The following NSMCE1 variants were observed in gnomAD, a reference collection of about 807,000 sequenced individuals.
NSMCE1 encodes NSE1 component of SMC5/6 complex.
A neutral mutation model predicts 29.6 loss-of-function variants in NSMCE1; 18 were observed. The ratio of observed to expected loss-of-function variants is 0.61; its 90% confidence interval spans 0.42 to 0.90. NSMCE1 has a LOEUF of 0.90. Among genes scored for constraint, NSMCE1 ranks in the 40% least tolerant of loss-of-function variants. The probability of loss-of-function intolerance (pLI) is 0.00; values close to 1 mark genes in which losing one functional copy is unlikely to be tolerated. For synonymous variants in NSMCE1, 124 were observed against 133.4 expected, an observed-to-expected ratio of 0.93 and a Z score of 0.49; for missense variants, 314 against 343.6, an observed-to-expected ratio of 0.91 and a Z score of 0.68.
At chr16:27,235,040 C>T (rs965383280) in intron 3 of NSMCE1, 138 bp downstream of exon 3, 1 of 743,150 alleles carries the variant, frequency 1.3e-6, no homozygotes, top group Non-Finnish European at 2.1e-6. Context: ...CCCTTTATTC[C>T]TAATATTCTA....
intron 2 of NSMCE1, among the ~76,000 whole-genome samples, chr16:27,255,747 C>G (rs192878592): frequency 4.6e-5 from 7 of 152,366 alleles, no homozygotes; most frequent in Admixed American, 2.6e-4. Context: ...TTCTGTCTCC[C>G]TCTTCTTATT....
intron 2 of NSMCE1, among the ~76,000 whole-genome samples, chr16:27,251,181 TATATATATAAATATATATATATATATA>T (rs1567281217): frequency 1.9e-5 from 1 of 52,112 alleles, no homozygotes; most frequent in African/African-American, 2.0e-4. Context: ...TATATATATA[TATATATATAAATATATATATATATATA>T]AAACTCTGTA....
chr16:27,239,317 C>T (rs1353151145), intron 2 of NSMCE1, among the ~76,000 whole-genome samples: 2 of 152,210 alleles, frequency 1.3e-5, no homozygotes, highest in Non-Finnish European at 2.9e-5. Context: ...CAGCTCTGCC[C>T]CTGGTCTCTC....
At chr16:27,230,011 C>T (rs56007547) in intron 5 of NSMCE1, among the ~76,000 whole-genome samples, 45,482 of 152,114 alleles carry the variant, frequency 0.3, 7,231 homozygotes, top group East Asian at 0.46. Context: ...AAGACGACGA[C>T]AGCCCAGGTG....
At chr16:27,251,210 A>ATATG in intron 2 of NSMCE1, among the ~76,000 whole-genome samples, 1 of 131,204 alleles carries the variant, frequency 7.6e-6, no homozygotes, top group African/African-American at 3.0e-5. Flanking sequence ...ATATATATAA[A>ATATG]ACTCTGTAGA....
intron 2 of NSMCE1, among the ~76,000 whole-genome samples, chr16:27,256,206 AAAGGCAGAAT>A (rs1300690611): frequency 7.2e-5 from 11 of 152,186 alleles, no homozygotes; most frequent in Non-Finnish European, 1.2e-4. Context: ...ATACAGAGAG[AAAGGCAGAAT>A]AAGGCAGAAT....
intron 2 of NSMCE1, among the ~76,000 whole-genome samples, chr16:27,242,371 TAAACTC>T (rs1345951479): frequency 2.0e-5 from 3 of 152,226 alleles, no homozygotes; most frequent in African/African-American, 7.2e-5. Flanking sequence ...CTTTTCTTCT[TAAACTC>T]AAGAAGTTTA....
intron 2 of NSMCE1, among the ~76,000 whole-genome samples, chr16:27,238,432 C>T (rs532976357): frequency 5.3e-5 from 8 of 152,170 alleles, no homozygotes; most frequent in East Asian, 1.9e-4. Context: ...TTCCTCATCA[C>T]GTGGCACTCC....
intron 2 of NSMCE1, among the ~76,000 whole-genome samples, chr16:27,248,031 T>C (rs78161275): frequency 1.8e-3 from 275 of 152,324 alleles, no homozygotes; most frequent in African/African-American, 6.3e-3. Context: ...TATTCTAGCA[T>C]GTAGGAAGAG....
chr16:27,257,506 A>G lies in NSMCE1; in HGVS notation c.65T>C (p.Leu22Pro), dbSNP rs778895948. Residue 22 changes from leucine to proline, a missense_variant, in exon 2 of 8, where the codon CTG becomes CCG. By Grantham distance (98) the Leu-to-Pro change is moderately conservative. Transcript: ENST00000361439. ...TTCCTCTAGCACGCCATGGGTCATC[A>G]GCAACTGGAGGAAGCGCCGGTGGAC... ...TDVHRRFLQL[L>P]MTHGVLEEWD... 6.2e-7 allele frequency: 1 copy of G among 1,614,094 alleles called. No individual in the cohort carries two copies. Among genetic ancestry groups the G allele is most frequent in the African/African-American group, 1.3e-5 (1 of 75,038 alleles).
chr16:27,233,379 A>G (rs1160155872), intron 4 of NSMCE1, among the ~76,000 whole-genome samples: 1 of 152,134 alleles, frequency 6.6e-6, no homozygotes, highest in Non-Finnish European at 1.5e-5. Context: ...AAATCATCTT[A>G]ATGTCCCCAA....
chr16:27,226,680 G>T, intron 6 of NSMCE1, 40 bp downstream of exon 6: 1 of 1,338,278 alleles, frequency 7.5e-7, no homozygotes, highest in Non-Finnish European at 1.1e-6. Context: ...CGGGAGCCGA[G>T]GGCCCAGTGA....
At chr16:27,227,214 T>C (rs1236848760) in intron 5 of NSMCE1, among the ~76,000 whole-genome samples, 1 of 152,196 alleles carries the variant, frequency 6.6e-6, no homozygotes, top group Admixed American at 6.5e-5. Flanking sequence ...AAACACCCAC[T>C]GCTGCCATCC....
chr16:27,268,001 C>T (rs1301296245), intron 1 of NSMCE1, among the ~76,000 whole-genome samples: 1 of 152,088 alleles, frequency 6.6e-6, no homozygotes, highest in Non-Finnish European at 1.5e-5. Context: ...CCTCAGCTTC[C>T]CAAAGTGCTG....
At chr16:27,227,687 G>A (rs1001567623) in intron 5 of NSMCE1, among the ~76,000 whole-genome samples, 5 of 152,080 alleles carry the variant, frequency 3.3e-5, no homozygotes, top group Admixed American at 1.3e-4. Context: ...CGTCACTGAC[G>A]CCTGCAAGTC....
chr16:27,238,081 C>T (rs988267520), intron 2 of NSMCE1, among the ~76,000 whole-genome samples: 3 of 152,182 alleles, frequency 2.0e-5, no homozygotes, highest in Non-Finnish European at 4.4e-5. Context: ...AGAAACTTCT[C>T]TTACACTCAG....
At position 27,248,406 on chromosome 16, in the gene NSMCE1, C is replaced by CTTTT. The variant is rs756697569; in HGVS notation, c.136+9025_136+9028dup. Among the ~76,000 whole-genome samples the CTTTT allele has an allele frequency of 2.0e-3, 166 of 84,764 alleles. 3 individuals are homozygous for CTTTT. Among genetic ancestry groups the CTTTT allele is most frequent in the African/African-American group, 4.9e-3 (101 of 20,788 alleles). The allele number at this position is 84,764 out of a possible 152,430, so 55.6% of individuals were successfully genotyped here. A position where few individuals can be genotyped will look rare whatever the true frequency, so the allele number is the denominator to read the frequency against. On this transcript the variant is annotated intron_variant, in intron 2 of 7. Coordinates refer to ENST00000361439, the MANE Select transcript of NSMCE1 (RefSeq NM_145080.4). The stretch of plus-strand genomic sequence containing the variant: ...GGTAGCTCACTGCGGTTTTAGTTTG[C>CTTTT]TTTTTTTTTTTTTTTTTTTTTTTGA...
At chr16:27,229,517 A>G (rs2140986804) in intron 5 of NSMCE1, among the ~76,000 whole-genome samples, 1 of 152,302 alleles carries the variant, frequency 6.6e-6, no homozygotes. Flanking sequence ...ACTGATCCCA[A>G]AGGAATGCCT....
chr16:27,225,628 G>A, intron 7 of NSMCE1, 98 bp downstream of exon 7: 1 of 1,441,522 alleles, frequency 6.9e-7, no homozygotes, highest in South Asian at 1.3e-5. Flanking sequence ...CACACACCCT[G>A]GAGCCCTTCA....
Sources: gnomAD v4.1 joint callset for allele counts (sites outside exome capture counted in the v4.1 genomes callset) on GRCh38, gnomAD v4.1.1 for gene constraint, MANE v1.5 for transcripts, NCBI Gene and HGNC (gene_info 2026-07-23, HGNC 2026-07-21) for gene names.